The following OPCML variants were observed in gnomAD, a reference collection of about 807,000 sequenced individuals.
The protein encoded by OPCML is opioid-binding protein/cell adhesion molecule.
OPCML carries 13 observed loss-of-function variants against 37.8 expected under a neutral mutation model. The observed-to-expected ratio is 0.34, with a 90% CI of 0.22 to 0.55. OPCML has a LOEUF of 0.55. OPCML is among the 20% of genes least tolerant of loss of function. The pLI is 0.91. For missense variants in OPCML, 341 were observed against 435.6 expected (o/e 0.78, Z 1.93); for synonymous variants, 176 against 168.8 (o/e 1.04, Z -0.33).
In OPCML at chr11:132,888,871, G is replaced by GA. The variant is rs59570917; in HGVS notation, c.146+54054dup. Among the ~76,000 whole-genome samples the GA allele has an allele frequency of 1.1e-4, 15 of 142,316 alleles. No homozygotes were observed. The South Asian group carries it at 1.8e-3, about 17-fold the overall frequency. 93.4% of individuals were successfully genotyped at this position (142,316 alleles called of 152,430 possible). ...CAAATTTTACAACAAAAAAAAAAAAGAAAAAAAAAATCTGTTCCCTTTACA... is the reference window on the plus strand; with the variant it reads ...CAAATTTTACAACAAAAAAAAAAAAGAAAAAAAAAAATCTGTTCCCTTTACA... On this transcript the variant is annotated intron_variant, in intron 2 of 7. Transcript: ENST00000524381.
At chr11:132,929,507 C>A (rs1006245612) in intron 2 of OPCML, among the ~76,000 whole-genome samples, 9 of 152,016 alleles carry the variant, frequency 5.9e-5, no homozygotes, top group African/African-American at 2.2e-4. Flanking sequence ...TATGACTCTC[C>A]CAAAAAATTC....
intron 1 of OPCML, among the ~76,000 whole-genome samples, chr11:133,484,071 TAGA>T (rs1565660045): frequency 0.024 from 3,555 of 148,020 alleles, 171 homozygotes; most frequent in African/African-American, 0.088. Context: ...GATAGATAGA[TAGA>T]TAGATAGATT....
intron 1 of OPCML, among the ~76,000 whole-genome samples, chr11:133,130,380 G>A (rs966471395): frequency 2.0e-5 from 3 of 152,040 alleles, no homozygotes; most frequent in African/African-American, 2.4e-5. Context: ...CATAAAAAAT[G>A]TTTTTAGAAA....
intron 1 of OPCML, chr11:133,418,059 G>A: frequency 4.1e-6 from 4 of 985,268 alleles, no homozygotes; most frequent in Non-Finnish European, 4.8e-6. Flanking sequence ...AGAACTGCTT[G>A]AACACAGTGC....
At chr11:133,209,576 T>C (rs1359438755) in intron 1 of OPCML, among the ~76,000 whole-genome samples, 1 of 152,202 alleles carries the variant, frequency 6.6e-6, no homozygotes, top group Non-Finnish European at 1.5e-5. Context: ...TATTTGACTT[T>C]GGATATGTCT....
chr11:132,728,202 G>A, intron 2 of OPCML, among the ~76,000 whole-genome samples: 1 of 152,210 alleles, frequency 6.6e-6, no homozygotes, highest in Non-Finnish European at 1.5e-5. Context: ...GTCTCCCCTG[G>A]CCAGGCTCCT....
intron 3 of OPCML, among the ~76,000 whole-genome samples, chr11:132,640,574 C>G (rs1045357424): frequency 4.6e-5 from 7 of 152,170 alleles, no homozygotes; most frequent in African/African-American, 1.7e-4. Flanking sequence ...ATTCAATAAG[C>G]ATTTTTGAGC....
intron 1 of OPCML, chr11:133,420,966 G>C: frequency 1.0e-5 from 10 of 985,164 alleles, no homozygotes; most frequent in Non-Finnish European, 1.2e-5. Flanking sequence ...TAGTCAGGTG[G>C]GTGCATGGCT....
chr11:132,705,986 T>G (rs531832625), intron 2 of OPCML, among the ~76,000 whole-genome samples: 24 of 152,202 alleles, frequency 1.6e-4, no homozygotes, highest in African/African-American at 5.3e-4. Flanking sequence ...TTTTGTATCT[T>G]TAGTAAAGAC....
chr11:132,727,974 G>A (rs1944945334), intron 2 of OPCML, among the ~76,000 whole-genome samples: 2 of 152,212 alleles, frequency 1.3e-5, no homozygotes, highest in African/African-American at 2.4e-5. Flanking sequence ...GGGCAGTGGG[G>A]TTTGTCCTTC....
chr11:133,387,019 G>A (rs1469722193), intron 1 of OPCML, among the ~76,000 whole-genome samples: 1 of 152,230 alleles, frequency 6.6e-6, no homozygotes, highest in African/African-American at 2.4e-5. Context: ...AGGTCAGTCA[G>A]GGAGACAGCT....
At chr11:133,490,497 C>A (rs556899176) in intron 1 of OPCML, among the ~76,000 whole-genome samples, 3 of 152,064 alleles carry the variant, frequency 2.0e-5, no homozygotes, top group Non-Finnish European at 2.9e-5. Flanking sequence ...TGAAGTAAAA[C>A]GAGGGTCAGG....
At chr11:132,658,428 G>A (rs1258266190) in intron 2 of OPCML, among the ~76,000 whole-genome samples, 1 of 152,140 alleles carries the variant, frequency 6.6e-6, no homozygotes, top group Admixed American at 6.5e-5. Context: ...AGAGACACTG[G>A]CCACAGTGGA....
At chr11:132,432,698 A>C (rs993672652) in intron 7 of OPCML, among the ~76,000 whole-genome samples, 1 of 152,158 alleles carries the variant, frequency 6.6e-6, no homozygotes, top group Non-Finnish European at 1.5e-5. Context: ...AGAACCTTGT[A>C]TTAGGTCCTA....
chr11:132,629,446 G>T (rs1334316583), intron 3 of OPCML, among the ~76,000 whole-genome samples: 1 of 152,110 alleles, frequency 6.6e-6, no homozygotes, highest in African/African-American at 2.4e-5. Context: ...CCTTAGCTAT[G>T]ATCGGCTAAT....
chr11:133,064,176 C>A (rs77419394), intron 1 of OPCML, among the ~76,000 whole-genome samples: 3,791 of 152,248 alleles, frequency 0.025, 114 homozygotes, highest in African/African-American at 0.076. Flanking sequence ...GGAGCCCAGC[C>A]GAGGGAGGGA....
intron 3 of OPCML, among the ~76,000 whole-genome samples, chr11:132,573,164 C>T (rs746457557): frequency 5.3e-5 from 8 of 151,544 alleles, no homozygotes; most frequent in African/African-American, 1.2e-4. Flanking sequence ...TTCCTATATA[C>T]GAGATCACAT....
intron 3 of OPCML, among the ~76,000 whole-genome samples, chr11:132,563,808 AC>A (rs58143214): frequency 0.27 from 40,802 of 151,876 alleles, 5,779 homozygotes; most frequent in East Asian, 0.5. Context: ...AACAACAACA[AC>A]AAAAAAACAG....
intron 2 of OPCML, among the ~76,000 whole-genome samples, chr11:132,892,491 G>A (rs903723028): frequency 3.9e-5 from 6 of 152,170 alleles, no homozygotes; most frequent in East Asian, 3.9e-4. Context: ...ATTCTTGGCC[G>A]GGCATGGTGG....
Sources: gnomAD v4.1 joint callset for allele counts (sites outside exome capture counted in the v4.1 genomes callset) on GRCh38, gnomAD v4.1.1 for gene constraint, MANE v1.5 for transcripts, NCBI Gene and HGNC (gene_info 2026-07-23, HGNC 2026-07-21) for gene names.